The following CNTNAP2 variants were observed in gnomAD, a reference collection of about 807,000 sequenced individuals.
CNTNAP2 encodes contactin-associated protein-like 2.
In CNTNAP2, 98 loss-of-function variants were observed where a neutral mutation model predicts 155.2. The ratio of observed to expected loss-of-function variants is 0.63; its 90% CI spans 0.54 to 0.75. The LOEUF (loss-of-function observed/expected upper bound fraction) is 0.75, where lower values mean the gene tolerates loss of function less well. Ranked by LOEUF, CNTNAP2 falls within the 30% of genes least tolerant of loss-of-function variation. The pLI, the probability that CNTNAP2 is intolerant of heterozygous loss-of-function variation, is 0.00. For missense variants in CNTNAP2, 1,727 were observed against 1,688.1 expected (o/e 1.02, Z -0.40); for synonymous variants, 651 against 631.2 (o/e 1.03, Z -0.47).
intron 1 of CNTNAP2, among the ~76,000 whole-genome samples, chr7:146,533,683 CCT>C (rs1797803859): frequency 6.6e-6 from 1 of 152,050 alleles, no homozygotes; most frequent in Admixed American, 6.6e-5. Context: ...TTTTCAGAGT[CCT>C]CTCAGTCCAT....
intron 3 of CNTNAP2, among the ~76,000 whole-genome samples, chr7:146,930,282 T>C (rs1395175016): frequency 6.6e-6 from 1 of 152,122 alleles, no homozygotes; most frequent in Non-Finnish European, 1.5e-5. Context: ...GGGGCCAATA[T>C]GCAACATTCA....
intron 3 of CNTNAP2, among the ~76,000 whole-genome samples, chr7:146,849,055 A>G (rs866242543): frequency 1.3e-5 from 2 of 152,294 alleles, no homozygotes; most frequent in South Asian, 2.1e-4. Context: ...TGCTGGGATT[A>G]TAGGGGTGAG....
intron 14 of CNTNAP2, among the ~76,000 whole-genome samples, chr7:147,967,888 A>G (rs1057086983): frequency 3.3e-5 from 5 of 152,210 alleles, no homozygotes; most frequent in Admixed American, 3.3e-4. Flanking sequence ...AGAAATAATA[A>G]GCCCCAATTA....
chr7:147,516,696 T>G (rs1015359522), intron 11 of CNTNAP2, among the ~76,000 whole-genome samples: 1 of 151,448 alleles, frequency 6.6e-6, no homozygotes, highest in Non-Finnish European at 1.5e-5. Context: ...TGAAGCACGA[T>G]GCACAAAAAT....
At chr7:147,264,536 G>GT (rs1175781396) in intron 8 of CNTNAP2, among the ~76,000 whole-genome samples, 23 of 108 alleles carry the variant, frequency 0.21, no homozygotes, top group African/African-American at 0.41. Context: ...ACTGGTCCCT[G>GT]CGGGCCTGTG....
At chr7:146,156,552 GTTAT>G (rs1200566673) in intron 1 of CNTNAP2, among the ~76,000 whole-genome samples, 1 of 152,078 alleles carries the variant, frequency 6.6e-6, no homozygotes, top group Non-Finnish European at 1.5e-5. Context: ...TTAAATTATT[GTTAT>G]TTATTCACAA....
rs560039540 is a variant in CNTNAP2 at position 147,897,882 on chromosome 7, A to G, written c.2099-5683A>G. ...TTACCACTTACCCTGATGGAAAAAGAAAGGAGAAGCAAATGACTTAAACAT... is the reference window on the plus strand; with the variant it reads ...TTACCACTTACCCTGATGGAAAAAGGAAGGAGAAGCAAATGACTTAAACAT... On this transcript the variant is annotated intron_variant, in intron 13 of 23. Coordinates refer to ENST00000361727, the MANE Select transcript of CNTNAP2 (RefSeq NM_014141.6). 3.9e-5 allele frequency among the ~76,000 whole-genome samples: 6 copies of G among 152,358 alleles called. No individual in the cohort carries two copies. The South Asian group carries it at 1.2e-3, about 32-fold the overall frequency.
At chr7:146,810,665 A>C (rs1803049862) in intron 2 of CNTNAP2, among the ~76,000 whole-genome samples, 6 of 151,836 alleles carry the variant, frequency 4.0e-5, no homozygotes, top group Admixed American at 3.9e-4. Flanking sequence ...TTGGACTTCC[A>C]TACTAGGTTG....
At chr7:147,944,010 G>C (rs973404634) in intron 14 of CNTNAP2, among the ~76,000 whole-genome samples, 1 of 152,056 alleles carries the variant, frequency 6.6e-6, no homozygotes, top group Non-Finnish European at 1.5e-5. Flanking sequence ...CATTATGAGT[G>C]GTTCAAATGA....
At chr7:148,149,247 T>C (rs1380505397) in intron 17 of CNTNAP2, among the ~76,000 whole-genome samples, 1 of 152,146 alleles carries the variant, frequency 6.6e-6, no homozygotes, top group East Asian at 1.9e-4. Context: ...TTTGAAGACC[T>C]AGTAAGGTTG....
chr7:146,130,957 A>G (rs35168629), intron 1 of CNTNAP2, among the ~76,000 whole-genome samples: 7,923 of 152,180 alleles, frequency 0.052, 242 homozygotes, highest in Middle Eastern at 0.1. Flanking sequence ...GTCACCCCCA[A>G]CCAGGTTTCA....
At chr7:146,835,406 T>C (rs1355805914) in intron 2 of CNTNAP2, among the ~76,000 whole-genome samples, 1 of 152,200 alleles carries the variant, frequency 6.6e-6, no homozygotes, top group African/African-American at 2.4e-5. Context: ...AAATTGGCTA[T>C]AAAATTTCTT....
rs1563204948 is a variant in CNTNAP2 at position 148,118,231 on chromosome 7, T to G, written c.2497T>G (p.Trp833Gly). The part of the protein sequence containing the change: ...ISFYFKTLTP[W>G]GVFLENMGKE... ...TTTCTACTTCAAAACATTAACCCCC[T>G]GGGGAGTGTTTCTTGAAAATATGGG... Residue 833 changes from tryptophan to glycine, a missense_variant, in exon 16 of 24, where the codon TGG becomes GGG. Physicochemically the swap from Trp to Gly is radical, Grantham distance 184. Coordinates refer to ENST00000361727, the MANE Select transcript of CNTNAP2 (RefSeq NM_014141.6). 6.2e-7 allele frequency: 1 copy of G among 1,614,102 alleles called. No individual in the cohort carries two copies. Among genetic ancestry groups the G allele is most frequent in the Middle Eastern group, 1.6e-4 (1 of 6,062 alleles).
chr7:147,001,020 G>A (rs183418880), intron 3 of CNTNAP2, among the ~76,000 whole-genome samples: 25 of 152,150 alleles, frequency 1.6e-4, no homozygotes, highest in Middle Eastern at 3.4e-3. Flanking sequence ...GGTGGGCCTG[G>A]TATTTGTGTC....
chr7:148,361,321 C>T (rs769091221), intron 21 of CNTNAP2, among the ~76,000 whole-genome samples: 1 of 152,138 alleles, frequency 6.6e-6, no homozygotes, highest in Non-Finnish European at 1.5e-5. Flanking sequence ...GTCAAGGGGC[C>T]CGGGATTACA....
intron 13 of CNTNAP2, among the ~76,000 whole-genome samples, chr7:147,884,077 A>T (rs535114297): frequency 1.1e-3 from 172 of 152,342 alleles, no homozygotes; most frequent in Middle Eastern, 6.8e-3. Context: ...TTTGAAGAAC[A>T]TCTAAGGAAG....
chr7:147,941,621 T>C (rs1183318119), intron 14 of CNTNAP2, among the ~76,000 whole-genome samples: 1 of 152,206 alleles, frequency 6.6e-6, no homozygotes, highest in Admixed American at 6.5e-5. Flanking sequence ...CCAGAGTTCT[T>C]ACTCGCTCAA....
intron 9 of CNTNAP2, among the ~76,000 whole-genome samples, chr7:147,374,053 G>A (rs942144200): frequency 3.3e-5 from 5 of 151,742 alleles, no homozygotes; most frequent in African/African-American, 4.8e-5. Context: ...AAAGCCATAC[G>A]GACAATAAAA....
intron 8 of CNTNAP2, among the ~76,000 whole-genome samples, chr7:147,133,976 T>C (rs965291875): frequency 1.3e-5 from 2 of 152,042 alleles, no homozygotes; most frequent in African/African-American, 4.8e-5. Context: ...CGAAAATATC[T>C]GGAGAGACCA....
Sources: gnomAD v4.1 joint callset for allele counts (sites outside exome capture counted in the v4.1 genomes callset) on GRCh38, gnomAD v4.1.1 for gene constraint, MANE v1.5 for transcripts, NCBI Gene and HGNC (gene_info 2026-07-23, HGNC 2026-07-21) for gene names.